Variants in DNAH6 observed in about 807,000 individuals in gnomAD.
DNAH6 encodes the protein dynein axonemal heavy chain 6, also known as axonemal beta dynein heavy chain 6.
In DNAH6, 340 loss-of-function variants were observed where a neutral mutation model predicts 491.4. That is an observed-to-expected ratio of 0.69 (90% CI 0.63 to 0.76). The LOEUF (loss-of-function observed/expected upper bound fraction) is 0.76, where lower values mean the gene tolerates loss of function less well. DNAH6 is among the 30% of genes least tolerant of loss of function. DNAH6 has a pLI of 0.00. For synonymous variants in DNAH6, 1,603 were observed against 1,686.1 expected, an observed-to-expected ratio of 0.95 and a Z score of 1.21; for missense variants, 4,443 against 4,972.2, an observed-to-expected ratio of 0.89 and a Z score of 3.20.
chr2:84,478,205 T>A, the DNAH6 span, among the ~76,000 whole-genome samples: 2 of 152,132 alleles, frequency 1.3e-5, no homozygotes, highest in African/African-American at 2.4e-5. Context: ...CTAGGAGAAC[T>A]ATGAGGAAAG....
intron 51 of DNAH6, among the ~76,000 whole-genome samples, chr2:84,704,942 T>C (rs1338898033): frequency 6.6e-6 from 1 of 152,154 alleles, no homozygotes; most frequent in Non-Finnish European, 1.5e-5. Flanking sequence ...CCACTGACCC[T>C]TAAACTGGTA....
chr2:84,467,199 T>C, the DNAH6 span, among the ~76,000 whole-genome samples: 1 of 152,076 alleles, frequency 6.6e-6, no homozygotes, highest in African/African-American at 2.4e-5. Context: ...TGCTTAAACC[T>C]TCAGATTTAT....
At chr2:84,569,716 G>A (rs1379235718) in intron 11 of DNAH6, among the ~76,000 whole-genome samples, 1 of 152,144 alleles carries the variant, frequency 6.6e-6, no homozygotes, top group African/African-American at 2.4e-5. Flanking sequence ...TGGTATTAGT[G>A]TATTCGCAAT....
chr2:84,738,434 A>G (rs558575950), intron 62 of DNAH6, among the ~76,000 whole-genome samples: 22 of 152,196 alleles, frequency 1.4e-4, no homozygotes, highest in South Asian at 4.1e-4. Context: ...AATGCTATCA[A>G]TGGGGTGTTG....
At position 84,781,543 on chromosome 2, in the gene DNAH6, T is replaced by A; in HGVS notation, c.10754T>A (p.Met3585Lys). ...GQGQGPIAEKMVKDAMKSGNW... is the reference protein window; with the variant it reads ...GQGQGPIAEKKVKDAMKSGNW... The stretch of plus-strand genomic sequence containing the variant: ...GGACAAGGACCTATTGCTGAAAAAA[T>A]GGTCAAGGATGCAATGAAATCAGGA... Residue 3585 changes from methionine (M) to lysine (K), a missense_variant, in exon 65 of 77, where the codon ATG becomes AAG. Transcript: ENST00000389394. The A allele has an allele frequency of 7.1e-6, 11 of 1,551,592 alleles. No individual in the cohort carries two copies. Among genetic ancestry groups the A allele is most frequent in the Non-Finnish European group, 9.6e-6 (11 of 1,146,920 alleles).
At chr2:84,583,190 G>A (rs72941006) in intron 14 of DNAH6, among the ~76,000 whole-genome samples, 3,540 of 152,268 alleles carry the variant, frequency 0.023, 124 homozygotes, top group African/African-American at 0.08. Context: ...AAAGGATAGT[G>A]GGAATCTCAC....
intron 29 of DNAH6, among the ~76,000 whole-genome samples, 191 bp downstream of exon 29, chr2:84,625,254 G>C (rs1687754430): frequency 6.6e-6 from 1 of 152,058 alleles, no homozygotes; most frequent in Non-Finnish European, 1.5e-5. Flanking sequence ...TGGGTAGTCT[G>C]GATAAGAATC....
chr2:84,722,516 A>T, intron 59 of DNAH6, 109 bp from the exon 60 acceptor site: 1 of 919,686 alleles, frequency 1.1e-6, no homozygotes, highest in Non-Finnish European at 1.6e-6. Flanking sequence ...TATAATCACC[A>T]ACTCATTCTA....
intron 11 of DNAH6, among the ~76,000 whole-genome samples, chr2:84,559,443 A>T (rs1680423986): frequency 6.6e-6 from 1 of 152,220 alleles, no homozygotes; most frequent in African/African-American, 2.4e-5. Context: ...CCTACTTGGG[A>T]GGCTGAGGTG....
At chr2:84,712,802 G>A (rs1178656347) in intron 56 of DNAH6, among the ~76,000 whole-genome samples, 1 of 152,158 alleles carries the variant, frequency 6.6e-6, no homozygotes, top group Non-Finnish European at 1.5e-5. Context: ...AACCCACAAT[G>A]ACTTAATCTA....
At chr2:84,694,876 T>C (rs1156728005) in intron 46 of DNAH6, among the ~76,000 whole-genome samples, 1 of 152,218 alleles carries the variant, frequency 6.6e-6, no homozygotes, top group Non-Finnish European at 1.5e-5. Context: ...ACCTTTAAAA[T>C]TGAAGTAGGA....
chr2:84,692,058 GGA>G (rs1694911582), intron 45 of DNAH6, among the ~76,000 whole-genome samples: 2 of 152,198 alleles, frequency 1.3e-5, no homozygotes, highest in Non-Finnish European at 2.9e-5. Flanking sequence ...TTGTCCTGGA[GGA>G]AGACTTTTTA....
intron 61 of DNAH6, 51 bp from the exon 62 acceptor site, chr2:84,733,393 T>C: frequency 6.6e-7 from 1 of 1,504,358 alleles, no homozygotes; most frequent in Non-Finnish European, 9.0e-7. Flanking sequence ...AGTGAAAGTA[T>C]ATTTTGTGAT....
intron 45 of DNAH6, among the ~76,000 whole-genome samples, chr2:84,691,230 C>T (rs1204744856): frequency 1.3e-5 from 2 of 152,070 alleles, no homozygotes; most frequent in African/African-American, 4.8e-5. Context: ...AATTTGTTTC[C>T]AGTAGTTTCA....
intron 2 of DNAH6, among the ~76,000 whole-genome samples, chr2:84,518,579 C>T (rs1036544391): frequency 6.6e-6 from 1 of 152,190 alleles, no homozygotes; most frequent in African/African-American, 2.4e-5. Flanking sequence ...TAGACGTTAG[C>T]TACATCTATT....
At chr2:84,703,308 G>A (rs1696107962) in intron 49 of DNAH6, 87 bp from the exon 50 acceptor site, 2 of 965,692 alleles carry the variant, frequency 2.1e-6, no homozygotes, top group East Asian at 5.4e-5. Context: ...AGACGTAAAA[G>A]TCTAATACAT....
chr2:84,764,754 A>G lies in DNAH6; in HGVS notation c.10703+1809A>G, dbSNP rs192460450. On this transcript the variant is annotated intron_variant, in intron 64 of 76. Coordinates refer to ENST00000389394, the MANE Select transcript of DNAH6 (RefSeq NM_001370.2). ...CACTGCATCCATGTTGCTGCAAAGAACATATTATTCTTTTTTATGACTGCA... is the reference window on the plus strand; with the variant it reads ...CACTGCATCCATGTTGCTGCAAAGAGCATATTATTCTTTTTTATGACTGCA... 1.1e-3 allele frequency among the ~76,000 whole-genome samples: 172 copies of G among 152,262 alleles called. 1 individual carries two copies. The highest frequency in any genetic ancestry group is 2.2e-3 in the Non-Finnish European group (147 of 67,990).
chr2:84,526,346 G>A (rs1676601678), intron 3 of DNAH6, among the ~76,000 whole-genome samples: 1 of 152,154 alleles, frequency 6.6e-6, no homozygotes, highest in Non-Finnish European at 1.5e-5. Flanking sequence ...CACACACTGA[G>A]TGCTGGTTTG....
chr2:84,616,861 A>T, intron 22 of DNAH6, 25 bp from the exon 23 acceptor site: 1 of 1,294,578 alleles, frequency 7.7e-7, no homozygotes, highest in Non-Finnish European at 1.0e-6. Flanking sequence ...CAGTTTTACC[A>T]ATACTATTTT....
Sources: gnomAD v4.1 joint callset for allele counts (sites outside exome capture counted in the v4.1 genomes callset) on GRCh38, gnomAD v4.1.1 for gene constraint, MANE v1.5 for transcripts, NCBI Gene and HGNC (gene_info 2026-07-23, HGNC 2026-07-21) for gene names.